Variants in ZNF385D observed in about 807,000 individuals in gnomAD.
ZNF385D encodes the protein zinc finger protein 659.
Under a neutral mutation model 35.8 loss-of-function variants are expected in ZNF385D, and 15 were observed. The observed-to-expected ratio is 0.42, with a 90% confidence interval of 0.28 to 0.64. The LOEUF is 0.64. Among genes scored for constraint, ZNF385D ranks in the 30% least tolerant of loss-of-function variants. The pLI, the probability that ZNF385D is intolerant of heterozygous loss-of-function variation, is 0.23. For synonymous variants in ZNF385D, 212 were observed against 186.8 expected (o/e 1.13, Z -1.10); for missense variants, 474 against 494.6 (o/e 0.96, Z 0.39).
chr3:22,201,314 G>A (rs1696782813), intron 2 of ZNF385D, among the ~76,000 whole-genome samples: 1 of 152,058 alleles, frequency 6.6e-6, no homozygotes, highest in Non-Finnish European at 1.5e-5. Flanking sequence ...AGTCAACTGA[G>A]AGAAAATTAA....
intron 3 of ZNF385D, among the ~76,000 whole-genome samples, chr3:21,940,933 T>C (rs1701485749): frequency 1.3e-5 from 2 of 152,238 alleles, no homozygotes; most frequent in Admixed American, 1.3e-4. Context: ...TCCATCCAAG[T>C]ACTTTTACAT....
intron 3 of ZNF385D, among the ~76,000 whole-genome samples, chr3:21,963,105 C>A (rs1199971802): frequency 6.6e-6 from 1 of 152,164 alleles, no homozygotes; most frequent in African/African-American, 2.4e-5. Context: ...ATGACCCTTT[C>A]CCAAGAAATT....
At chr3:21,440,193 T>C (rs1236109002) in intron 4 of ZNF385D, among the ~76,000 whole-genome samples, 5 of 152,102 alleles carry the variant, frequency 3.3e-5, no homozygotes, top group Non-Finnish European at 7.4e-5. Flanking sequence ...CAAAGAAGTT[T>C]ACTTTAATAT....
chr3:22,313,643 A>G (rs1428498116), intron 2 of ZNF385D, among the ~76,000 whole-genome samples: 6 of 152,214 alleles, frequency 3.9e-5, no homozygotes, highest in African/African-American at 1.4e-4. Flanking sequence ...TGTATAATTC[A>G]TAATAACCCA....
At chr3:21,597,668 A>G (rs1200161431) in intron 2 of ZNF385D, among the ~76,000 whole-genome samples, 1 of 152,220 alleles carries the variant, frequency 6.6e-6, no homozygotes, top group Non-Finnish European at 1.5e-5. Context: ...AATGTAAAAG[A>G]TATAGAGGCA....
intron 3 of ZNF385D, among the ~76,000 whole-genome samples, chr3:21,545,941 T>A (rs1439603616): frequency 2.6e-5 from 4 of 152,208 alleles, no homozygotes; most frequent in Non-Finnish European, 5.9e-5. Context: ...TATCTGAGAT[T>A]CCTTGTGGAA....
At chr3:21,727,333 T>C (rs1368228704) in intron 1 of ZNF385D, among the ~76,000 whole-genome samples, 2 of 152,114 alleles carry the variant, frequency 1.3e-5, no homozygotes, top group Non-Finnish European at 2.9e-5. Context: ...GGTATCTAAT[T>C]AAACTAAAGA....
At chr3:21,516,083 C>A (rs1386218399) in intron 3 of ZNF385D, among the ~76,000 whole-genome samples, 4 of 152,192 alleles carry the variant, frequency 2.6e-5, no homozygotes, top group Admixed American at 2.6e-4. Flanking sequence ...ATTTTCCACA[C>A]CCCTATGATT....
chr3:22,035,181 G>A (rs535474793), intron 3 of ZNF385D, among the ~76,000 whole-genome samples: 4 of 152,254 alleles, frequency 2.6e-5, no homozygotes, highest in African/African-American at 9.6e-5. Flanking sequence ...GTATCATTTA[G>A]TTTGATCGCA....
intron 2 of ZNF385D, among the ~76,000 whole-genome samples, chr3:22,240,574 T>C (rs1041461784): frequency 2.6e-5 from 4 of 151,004 alleles, no homozygotes; most frequent in Admixed American, 6.6e-5. Context: ...CCCTGCTTCA[T>C]GGACTGCACA....
At chr3:21,462,690 A>G (rs1361995929) in intron 4 of ZNF385D, among the ~76,000 whole-genome samples, 4 of 152,240 alleles carry the variant, frequency 2.6e-5, no homozygotes, top group African/African-American at 9.6e-5. Flanking sequence ...AAAGCTGAAG[A>G]GGCAACATTG....
At chr3:21,801,107 A>G (rs1188547801) in intron 3 of ZNF385D, among the ~76,000 whole-genome samples, 3 of 152,080 alleles carry the variant, frequency 2.0e-5, no homozygotes, top group Non-Finnish European at 4.4e-5. Flanking sequence ...CATTCTATTA[A>G]TATTCTTTAT....
chr3:21,416,935 G>C lies in ZNF385D; in HGVS notation c.*4279C>G, dbSNP rs1700571773. ...GCTGTCTATTGCCTTTTTCAGGGTTGGTTTTGTTCAGAATTTATTACATTC... is the reference window on the plus strand; with the variant it reads ...GCTGTCTATTGCCTTTTTCAGGGTTCGTTTTGTTCAGAATTTATTACATTC... On this transcript the variant is annotated 3_prime_UTR_variant, in exon 8 of 8. Coordinates refer to ENST00000281523, the MANE Select transcript of ZNF385D (RefSeq NM_024697.3). 1 of 151,992 alleles carries C rather than the reference G, an allele frequency of 6.6e-6. No homozygotes were observed. Among genetic ancestry groups the C allele is most frequent in the Non-Finnish European group, 1.5e-5 (1 of 67,976 alleles). The allele number at this position is 151,992 out of a possible 1,614,324, so 9.4% of individuals were successfully genotyped here. A position where few individuals can be genotyped will look rare whatever the true frequency, so the allele number is the denominator to read the frequency against.
intron 1 of ZNF385D, among the ~76,000 whole-genome samples, chr3:21,715,656 T>C (rs952211052): frequency 6.6e-6 from 1 of 152,150 alleles, no homozygotes; most frequent in Non-Finnish European, 1.5e-5. Context: ...GTTCTAGTTT[T>C]AGTTCTTAAG....
intron 3 of ZNF385D, among the ~76,000 whole-genome samples, chr3:21,813,094 G>A (rs1417606839): frequency 1.3e-5 from 2 of 152,200 alleles, no homozygotes; most frequent in Admixed American, 6.5e-5. Flanking sequence ...GTCTGGAGTG[G>A]ACCTCCAGCA....
chr3:21,931,637 T>G (rs1300713722), intron 3 of ZNF385D, among the ~76,000 whole-genome samples: 1 of 152,062 alleles, frequency 6.6e-6, no homozygotes, highest in South Asian at 2.1e-4. Flanking sequence ...ACTATGCTAT[T>G]GAGAGATGCT....
chr3:22,072,468 C>T (rs965468770), intron 3 of ZNF385D, among the ~76,000 whole-genome samples: 13 of 152,088 alleles, frequency 8.5e-5, no homozygotes, highest in African/African-American at 2.2e-4. Flanking sequence ...AGAACTAGAA[C>T]TCGTCAGCTG....
In ZNF385D at chr3:21,583,757, ATATT is replaced by A. The variant is rs369543962; in HGVS notation, c.166-19077_166-19074del. Among the ~76,000 whole-genome samples the A allele has an allele frequency of 5.5e-4, 83 of 151,108 alleles. 1 individual carries two copies. In the South Asian group the frequency reaches 0.016, roughly 29 times the overall value. ...AGTTATTTTTATTCATTCAATATAA[ATATT>A]AAATTAATATTTTCATTTAAATATT... On this transcript the variant is annotated intron_variant, in intron 2 of 7. Transcript: ENST00000281523.
At chr3:22,105,169 A>C (rs1456658916) in intron 3 of ZNF385D, among the ~76,000 whole-genome samples, 1 of 152,160 alleles carries the variant, frequency 6.6e-6, no homozygotes, top group Non-Finnish European at 1.5e-5. Context: ...GGAAGTAGGC[A>C]GAAGGGATAT....
Sources: allele counts gnomAD v4.1 joint callset (sites outside exome capture counted in the v4.1 genomes callset), GRCh38; gene constraint gnomAD v4.1.1; transcripts MANE v1.5; gene names NCBI Gene and HGNC (gene_info 2026-07-23, HGNC 2026-07-21).